The following COL11A1 variants were observed in gnomAD, a reference collection of about 807,000 sequenced individuals.
The protein encoded by COL11A1 is collagen type XI alpha 1 chain.
A neutral mutation model predicts 265.2 loss-of-function variants in COL11A1; 74 were observed. The observed-to-expected ratio is 0.28, with a 90% CI of 0.23 to 0.34. COL11A1 has a LOEUF of 0.34. COL11A1 is among the 10% of genes least tolerant of loss of function. The pLI is 1.00. For missense variants in COL11A1, 2,165 were observed against 2,263.6 expected (o/e 0.96, Z 0.88); for synonymous variants, 816 against 727.6 (o/e 1.12, Z -1.96).
chr1:103,071,320 G>T (rs1253224578), intron 4 of COL11A1, among the ~76,000 whole-genome samples: 1 of 151,640 alleles, frequency 6.6e-6, no homozygotes, highest in Non-Finnish European at 1.5e-5. Flanking sequence ...ATTTAATAAG[G>T]AAATTTTCCT....
chr1:102,911,203 T>C (rs1654631647), intron 54 of COL11A1, among the ~76,000 whole-genome samples: 1 of 152,144 alleles, frequency 6.6e-6, no homozygotes, highest in Non-Finnish European at 1.5e-5. Context: ...GAAGAGCAAA[T>C]TGTTTTCAGA....
chr1:102,962,385 A>C, intron 39 of COL11A1, 120 bp from the exon 40 acceptor site: 3 of 857,652 alleles, frequency 3.5e-6, no homozygotes, highest in Non-Finnish European at 5.8e-6. Flanking sequence ...AATGATGAGA[A>C]TATTGGGTGG....
At chr1:102,978,779 T>C (rs1407123320) in intron 34 of COL11A1, 27 bp from the exon 35 acceptor site, 1 of 1,613,966 alleles carries the variant, frequency 6.2e-7, no homozygotes, top group South Asian at 1.1e-5. Flanking sequence ...AAAAGAAAAA[T>C]CAGTTTGAAT....
chr1:102,904,915 C>T (rs544310442), intron 54 of COL11A1, among the ~76,000 whole-genome samples: 7 of 152,200 alleles, frequency 4.6e-5, no homozygotes, highest in African/African-American at 1.7e-4. Flanking sequence ...GCTATAGACA[C>T]ATGCACACAT....
At chr1:103,078,626 T>C (rs748024811) in intron 3 of COL11A1, 32 bp downstream of exon 3, 2 of 1,581,964 alleles carry the variant, frequency 1.3e-6, no homozygotes, top group Admixed American at 1.7e-5. Context: ...GATTTTGGCA[T>C]AGCTAAAACA....
intron 4 of COL11A1, among the ~76,000 whole-genome samples, chr1:103,049,442 G>C (rs774803542): frequency 5.6e-4 from 85 of 151,782 alleles, no homozygotes; most frequent in Non-Finnish European, 8.1e-4. Flanking sequence ...TTCTGTTTTC[G>C]ATTTGCTTGG....
intron 57 of COL11A1, among the ~76,000 whole-genome samples, chr1:102,895,000 G>A (rs1010744291): frequency 6.0e-5 from 9 of 150,412 alleles, no homozygotes; most frequent in African/African-American, 2.0e-4. Flanking sequence ...CATTTGTAGT[G>A]TGTGTGAGTG....
intron 41 of COL11A1, among the ~76,000 whole-genome samples, chr1:102,954,794 A>C (rs1660209328): frequency 6.6e-6 from 1 of 151,708 alleles, no homozygotes; most frequent in Non-Finnish European, 1.5e-5. Flanking sequence ...CAGTGAGGCG[A>C]GATTGCGTCA....
At chr1:102,886,304 T>C (rs1245858169) in intron 63 of COL11A1, among the ~76,000 whole-genome samples, 1 of 152,150 alleles carries the variant, frequency 6.6e-6, no homozygotes, top group Admixed American at 6.5e-5. Flanking sequence ...GTGGCTCAAT[T>C]AAAGATACAT....
intron 35 of COL11A1, among the ~76,000 whole-genome samples, chr1:102,976,289 C>CCTTTTT (rs1662462366): frequency 1.7e-5 from 1 of 58,578 alleles, no homozygotes; most frequent in Non-Finnish European, 3.2e-5. Context: ...AAAACGTTGG[C>CCTTTTT]TTTTTTTTTT....
intron 57 of COL11A1, among the ~76,000 whole-genome samples, chr1:102,896,514 T>C (rs961226064): frequency 9.9e-5 from 15 of 152,144 alleles, no homozygotes; most frequent in African/African-American, 3.1e-4. Flanking sequence ...ATTAAAGCTA[T>C]GAAAAAACTA....
chr1:103,014,435 T>C lies in COL11A1; in HGVS notation c.1572+76A>G, dbSNP rs949823050. 19 of 1,171,398 alleles carry C rather than the reference T, an allele frequency of 1.6e-5. No individual in the cohort carries two copies. The African/African-American group carries it at 2.4e-4, about 15-fold the overall frequency. 72.6% of individuals were successfully genotyped at this position (1,171,398 alleles called of 1,614,324 possible). A position where few individuals can be genotyped will look rare whatever the true frequency, so the allele number is the denominator to read the frequency against. ...AAATATTCTATTAATAATGGTAGCA[T>C]CTTCCGTATGTACACACATATATAC... On this transcript the variant is annotated intron_variant, in intron 13 of 66. Transcript: ENST00000370096.
chr1:102,971,718 C>A (rs1661994423), intron 36 of COL11A1, among the ~76,000 whole-genome samples: 1 of 152,020 alleles, frequency 6.6e-6, no homozygotes, highest in African/African-American at 2.4e-5. Context: ...CCAGAACCAT[C>A]TTTGCTCCCT....
At chr1:102,941,236 C>G (rs1658688826) in intron 42 of COL11A1, among the ~76,000 whole-genome samples, 1 of 152,050 alleles carries the variant, frequency 6.6e-6, no homozygotes, top group Non-Finnish European at 1.5e-5. Flanking sequence ...CTAATTATCT[C>G]TTGAATATAT....
chr1:103,043,137 A>G (rs1355936872), intron 4 of COL11A1, among the ~76,000 whole-genome samples: 2 of 146,742 alleles, frequency 1.4e-5, no homozygotes, highest in East Asian at 3.9e-4. Flanking sequence ...TATATGAAAT[A>G]TATATAATGA....
chr1:103,039,133 T>TTAA (rs1468480594), intron 4 of COL11A1, among the ~76,000 whole-genome samples: 2 of 152,160 alleles, frequency 1.3e-5, no homozygotes, highest in African/African-American at 4.8e-5. Flanking sequence ...CTTAAGACAG[T>TTAA]GACTTTTATT....
chr1:103,031,046 G>A (rs1360971942), intron 5 of COL11A1, 70 bp downstream of exon 5: 3 of 1,547,812 alleles, frequency 1.9e-6, no homozygotes, highest in African/African-American at 1.4e-5. Flanking sequence ...ATAAGTATAA[G>A]TTCAAAAACT....
chr1:103,101,836 A>G (rs1162785296), intron 1 of COL11A1, among the ~76,000 whole-genome samples: 1 of 151,994 alleles, frequency 6.6e-6, no homozygotes, highest in East Asian at 1.9e-4. Flanking sequence ...GTCAAGTCGT[A>G]TTTAAGCTGG....
At chr1:102,961,741 C>T (rs1660926566) in intron 41 of COL11A1, 125 bp downstream of exon 41, 1 of 836,516 alleles carries the variant, frequency 1.2e-6, no homozygotes, top group Non-Finnish European at 2.0e-6. Context: ...TAGGCATTGA[C>T]TGATTTGATT....
Sources: gnomAD v4.1 joint callset for allele counts (sites outside exome capture counted in the v4.1 genomes callset) on GRCh38, gnomAD v4.1.1 for gene constraint, MANE v1.5 for transcripts, NCBI Gene and HGNC (gene_info 2026-07-23, HGNC 2026-07-21) for gene names.